The following LURAP1L variants were observed in gnomAD, a reference collection of about 807,000 sequenced individuals.
LURAP1L encodes the protein leucine rich adaptor protein 1-like.
A neutral mutation model predicts 13.8 loss-of-function variants in LURAP1L; 12 were observed. The ratio of observed to expected loss-of-function variants is 0.87; its 90% CI spans 0.56 to 1.41. The LOEUF (loss-of-function observed/expected upper bound fraction) is 1.41. LURAP1L is among the 40% of genes most tolerant of loss of function. The pLI, the probability that LURAP1L is intolerant of heterozygous loss-of-function variation, is 0.00. For missense variants in LURAP1L, 375 were observed against 292.9 expected, an observed-to-expected ratio of 1.28 and a Z score of -2.04; for synonymous variants, 139 against 119.2, an observed-to-expected ratio of 1.17 and a Z score of -1.08.
At chr9:12,797,806 C>A (rs561145173) in intron 1 of LURAP1L, among the ~76,000 whole-genome samples, 1 of 152,216 alleles carries the variant, frequency 6.6e-6, no homozygotes, top group African/African-American at 2.4e-5. Context: ...ATTTGACATT[C>A]TCTTTGCTAA....
intron 1 of LURAP1L, among the ~76,000 whole-genome samples, chr9:12,808,019 T>A (rs530079688): frequency 6.6e-6 from 1 of 152,194 alleles, no homozygotes; most frequent in East Asian, 1.9e-4. Flanking sequence ...TTGTCTCTTA[T>A]AAAATGACTA....
chr9:12,790,087 T>C (rs1316256471), intron 1 of LURAP1L, among the ~76,000 whole-genome samples: 1 of 152,198 alleles, frequency 6.6e-6, no homozygotes, highest in African/African-American at 2.4e-5. Flanking sequence ...GACAAAAATC[T>C]TTCTGCAGTT....
chr9:12,789,997 C>T (rs1413501531), intron 1 of LURAP1L, among the ~76,000 whole-genome samples: 1 of 152,108 alleles, frequency 6.6e-6, no homozygotes, highest in Non-Finnish European at 1.5e-5. Context: ...CCAAGTATAA[C>T]TTAATTTTAT....
intron 1 of LURAP1L, among the ~76,000 whole-genome samples, chr9:12,792,945 G>A (rs545865500): frequency 5.9e-5 from 9 of 151,890 alleles, no homozygotes; most frequent in Admixed American, 3.9e-4. Context: ...TGAAGATGCC[G>A]GAATAATTAT....
chr9:12,803,668 T>C (rs1819617770), intron 1 of LURAP1L, among the ~76,000 whole-genome samples: 2 of 152,226 alleles, frequency 1.3e-5, no homozygotes, highest in African/African-American at 2.4e-5. Flanking sequence ...TCTAGGAGAA[T>C]ACTAAATTAG....
Position 12,811,121 on chromosome 9 carries a change from C to T in LURAP1L, c.313-10265C>T, listed in dbSNP as rs188703156. ...TAACTTTTATTACCATCCTAATCAC[C>T]TCCTCTTTTTCTCCTACTGAGGCCA... is the stretch of plus-strand genomic sequence containing the variant. On this transcript the variant is annotated intron_variant, in intron 1 of 1. Coordinates refer to ENST00000319264, the MANE Select transcript of LURAP1L (RefSeq NM_203403.2). Among the ~76,000 whole-genome samples the T allele has an allele frequency of 2.3e-4, 35 of 152,222 alleles. No individual in the cohort carries two copies. The East Asian group carries it at 6.8e-3, about 29-fold the overall frequency.
intron 1 of LURAP1L, among the ~76,000 whole-genome samples, chr9:12,804,989 T>G (rs933569273): frequency 2.0e-5 from 3 of 152,080 alleles, no homozygotes; most frequent in Admixed American, 6.5e-5. Context: ...GTAACCAAAT[T>G]TAAGATTAAC....
At chr9:12,811,254 C>T (rs1471390138) in intron 1 of LURAP1L, among the ~76,000 whole-genome samples, 2 of 152,180 alleles carry the variant, frequency 1.3e-5, no homozygotes, top group Non-Finnish European at 2.9e-5. Flanking sequence ...GTTAATCTCG[C>T]TGCATTTTAA....
chr9:12,775,982 C>T lies in LURAP1L; in HGVS notation c.267C>T (p.Ala89=). 6.2e-7 allele frequency: 1 copy of T among 1,607,878 alleles called. No homozygotes were observed. Among genetic ancestry groups the T allele is most frequent in the Non-Finnish European group, 8.5e-7 (1 of 1,177,390 alleles). Residue 89 remains alanine, a synonymous_variant, in exon 1 of 2, where the codon GCC becomes GCT. Transcript: ENST00000319264. The stretch of plus-strand genomic sequence containing the variant: ...CCCCACGAGGTAGCCACTCTAGCGC[C>T]CTGGAGAGGCTAGAAACCAAGCTTC... ...SGSPRGSHSS[A]LERLETKLHL... is the part of the protein sequence containing the mutation.
chr9:12,786,624 G>C (rs1209486203), intron 1 of LURAP1L, among the ~76,000 whole-genome samples: 1 of 119,610 alleles, frequency 8.4e-6, no homozygotes, highest in Admixed American at 9.8e-5. Flanking sequence ...AATCATCTTA[G>C]ATTTACTTAT....
chr9:12,817,658 A>G (rs1013181181), intron 1 of LURAP1L, among the ~76,000 whole-genome samples: 1 of 152,116 alleles, frequency 6.6e-6, no homozygotes, highest in African/African-American at 2.4e-5. Context: ...ACCTTATAAG[A>G]CTCCAACAGA....
At chr9:12,777,443 A>G (rs1159237787) in intron 1 of LURAP1L, 1 of 985,252 alleles carries the variant, frequency 1.0e-6, no homozygotes, top group African/African-American at 1.7e-5. Flanking sequence ...TAACTCTGCA[A>G]ATTAAGGACT....
At chr9:12,789,510 G>A (rs1462119354) in intron 1 of LURAP1L, among the ~76,000 whole-genome samples, 1 of 152,158 alleles carries the variant, frequency 6.6e-6, no homozygotes, top group African/African-American at 2.4e-5. Context: ...CACAGATGCA[G>A]CACCTGGAGT....
At chr9:12,810,817 A>G (rs1163779262) in intron 1 of LURAP1L, among the ~76,000 whole-genome samples, 4 of 152,186 alleles carry the variant, frequency 2.6e-5, no homozygotes, top group East Asian at 1.9e-4. Flanking sequence ...AAACTCTCCC[A>G]TCTGGAGAGT....
chr9:12,795,959 C>T (rs1172247270), intron 1 of LURAP1L, among the ~76,000 whole-genome samples: 1 of 151,976 alleles, frequency 6.6e-6, no homozygotes, highest in African/African-American at 2.4e-5. Context: ...GAAGATTCTA[C>T]TAGTATAAGA....
intron 1 of LURAP1L, among the ~76,000 whole-genome samples, chr9:12,786,794 C>T (rs2118477909): frequency 6.6e-6 from 1 of 151,424 alleles, no homozygotes; most frequent in South Asian, 2.1e-4. Flanking sequence ...AAAACTAGAA[C>T]TATAATATAT....
chr9:12,781,130 C>T (rs933759542), intron 1 of LURAP1L, among the ~76,000 whole-genome samples: 1 of 152,068 alleles, frequency 6.6e-6, no homozygotes, highest in Admixed American at 6.5e-5. Context: ...TGCCACTACG[C>T]CCGACTAATT....
At chr9:12,802,740 G>T (rs1277958532) in intron 1 of LURAP1L, among the ~76,000 whole-genome samples, 1 of 151,924 alleles carries the variant, frequency 6.6e-6, no homozygotes, top group African/African-American at 2.4e-5. Flanking sequence ...CTTGTCTATG[G>T]AATGAACTGT....
intron 1 of LURAP1L, among the ~76,000 whole-genome samples, chr9:12,787,778 C>A (rs10960797): frequency 6.6e-6 from 1 of 152,052 alleles, no homozygotes; most frequent in Non-Finnish European, 1.5e-5. Context: ...GAAAGTCATA[C>A]GTTCATAATT....
Sources: gnomAD v4.1 joint callset for allele counts (sites outside exome capture counted in the v4.1 genomes callset) on GRCh38, gnomAD v4.1.1 for gene constraint, MANE v1.5 for transcripts, NCBI Gene and HGNC (gene_info 2026-07-23, HGNC 2026-07-21) for gene names.